UHRF2: variants seen among roughly 807,000 people sequenced by gnomAD.
UHRF2 encodes the protein E3 ubiquitin-protein ligase UHRF2.
In UHRF2, 23 loss-of-function variants were observed where a neutral mutation model predicts 96.8. The ratio of observed to expected loss-of-function variants is 0.24; its 90% CI spans 0.17 to 0.34. UHRF2 has a LOEUF of 0.34. Ranked by LOEUF, UHRF2 falls within the 10% of genes least tolerant of loss-of-function variation. The pLI is 1.00. For missense variants in UHRF2, 685 were observed against 981.5 expected, an observed-to-expected ratio of 0.70 and a Z score of 4.04; for synonymous variants, 385 against 332.6, an observed-to-expected ratio of 1.16 and a Z score of -1.72.
intron 3 of UHRF2, among the ~76,000 whole-genome samples, chr9:6,447,457 T>C (rs1821585765): frequency 6.6e-6 from 1 of 151,932 alleles, no homozygotes; most frequent in African/African-American, 2.4e-5. Flanking sequence ...AGTATAAAGG[T>C]AGAGGAGATA....
At chr9:6,469,240 C>T (rs372623232) in intron 4 of UHRF2, among the ~76,000 whole-genome samples, 1 of 152,138 alleles carries the variant, frequency 6.6e-6, no homozygotes, top group Non-Finnish European at 1.5e-5. Flanking sequence ...CAAATAAGGG[C>T]CAGGCACCAT....
At chr9:6,470,578 G>C (rs1323689281) in intron 4 of UHRF2, among the ~76,000 whole-genome samples, 1 of 152,164 alleles carries the variant, frequency 6.6e-6, no homozygotes, top group African/African-American at 2.4e-5. Context: ...CAGGGAAAGG[G>C]TAAATGTATG....
chr9:6,492,604 ATTGAC>A (rs1457196053), intron 9 of UHRF2: 1 of 153,808 alleles, frequency 6.5e-6, no homozygotes, highest in African/African-American at 2.4e-5. Flanking sequence ...AGTATAAATA[ATTGAC>A]TTCTATAATA....
chr9:6,498,225 C>G, intron 12 of UHRF2, 67 bp downstream of exon 12: 1 of 1,523,824 alleles, frequency 6.6e-7, no homozygotes, highest in Non-Finnish European at 8.9e-7. Flanking sequence ...ATCTACATGC[C>G]TTAACACTGG....
At chr9:6,501,669 GT>G (rs747789910) in intron 14 of UHRF2, among the ~76,000 whole-genome samples, 7 of 152,202 alleles carry the variant, frequency 4.6e-5, no homozygotes, top group Non-Finnish European at 8.8e-5. Flanking sequence ...AAGCTTACAT[GT>G]TTAGAGGACA....
chr9:6,485,928 G>A (rs1014393966), intron 8 of UHRF2, among the ~76,000 whole-genome samples: 1 of 151,924 alleles, frequency 6.6e-6, no homozygotes, highest in Non-Finnish European at 1.5e-5. Context: ...CAGTGAGGCA[G>A]GAATGAAGAT....
intron 3 of UHRF2, among the ~76,000 whole-genome samples, chr9:6,444,138 A>G (rs1199384686): frequency 6.6e-6 from 1 of 152,180 alleles, no homozygotes; most frequent in African/African-American, 2.4e-5. Context: ...GAGAGAGTAG[A>G]TTTTTCTTGA....
intron 1 of UHRF2, among the ~76,000 whole-genome samples, chr9:6,420,508 C>G (rs1429644194): frequency 1.3e-5 from 2 of 151,406 alleles, no homozygotes; most frequent in Non-Finnish European, 2.9e-5. Context: ...CAAGACCATC[C>G]TGGCAAACAC....
intron 14 of UHRF2, among the ~76,000 whole-genome samples, chr9:6,501,319 C>G (rs1477860489): frequency 6.6e-6 from 1 of 152,168 alleles, no homozygotes; most frequent in African/African-American, 2.4e-5. Context: ...ATTCTTTCCT[C>G]ACTTATTGTG....
rs199920511 is a variant in UHRF2 at position 6,499,829 on chromosome 9, C to G, written c.1909-6C>G. On this transcript the variant is annotated splice_region_variant and splice_polypyrimidine_tract_variant and intron_variant, in intron 12 of 15. Coordinates refer to ENST00000276893, the MANE Select transcript of UHRF2 (RefSeq NM_152896.3). Reference sequence around the variant, plus strand: ...CATTGTACTCTCCCTCCTCCCCCCCCATCAGTATCCAGCAGGTTACCCTTC... The same window carrying G: ...CATTGTACTCTCCCTCCTCCCCCCCGATCAGTATCCAGCAGGTTACCCTTC... 1,496 of 1,591,576 alleles carry G rather than the reference C, an allele frequency of 9.4e-4. 5 individuals are homozygous for G. Among genetic ancestry groups the G allele is most frequent in the Non-Finnish European group, 1.2e-3 (1,361 of 1,167,358 alleles).
chr9:6,450,783 GT>G (rs1178768529), intron 3 of UHRF2, among the ~76,000 whole-genome samples: 1 of 152,160 alleles, frequency 6.6e-6, no homozygotes, highest in African/African-American at 2.4e-5. Context: ...TGACATAATA[GT>G]TTTTGAATGT....
chr9:6,421,177 A>C (rs1324866231), intron 2 of UHRF2, 35 bp downstream of exon 2: 1 of 1,436,548 alleles, frequency 7.0e-7, no homozygotes, highest in Non-Finnish European at 9.6e-7. Context: ...TGTTGTGAGA[A>C]TACAAATAAA....
chr9:6,467,933 G>A (rs992373545), intron 4 of UHRF2, among the ~76,000 whole-genome samples: 10 of 152,044 alleles, frequency 6.6e-5, no homozygotes, highest in African/African-American at 2.4e-4. Flanking sequence ...TTAACTGTGA[G>A]AATGGGTTGG....
At chr9:6,424,688 CCT>C (rs1469307314) in intron 2 of UHRF2, among the ~76,000 whole-genome samples, 4 of 151,648 alleles carry the variant, frequency 2.6e-5, no homozygotes, top group African/African-American at 9.7e-5. Flanking sequence ...TACCTCATGT[CCT>C]CTTTTTGTTC....
At chr9:6,424,151 A>G (rs1018097479) in intron 2 of UHRF2, among the ~76,000 whole-genome samples, 3 of 152,198 alleles carry the variant, frequency 2.0e-5, no homozygotes, top group Admixed American at 6.5e-5. Context: ...AATATTAGAG[A>G]AGGCAAAGTT....
chr9:6,420,334 C>T (rs1287884904), intron 1 of UHRF2, among the ~76,000 whole-genome samples: 1 of 151,564 alleles, frequency 6.6e-6, no homozygotes, highest in African/African-American at 2.4e-5. Context: ...AGATTACAGG[C>T]GTGAGCCACC....
chr9:6,485,018 C>G (rs1824182410), intron 8 of UHRF2, among the ~76,000 whole-genome samples: 1 of 151,768 alleles, frequency 6.6e-6, no homozygotes, highest in Non-Finnish European at 1.5e-5. Flanking sequence ...GTCTCAAACT[C>G]CCGACCTCAG....
At chr9:6,467,603 T>TC (rs1031440731) in intron 4 of UHRF2, among the ~76,000 whole-genome samples, 2 of 150,630 alleles carry the variant, frequency 1.3e-5, no homozygotes, top group Non-Finnish European at 3.0e-5. Flanking sequence ...TAGTTTTTTT[T>TC]TTTTTTTTTT....
chr9:6,463,080 G>A (rs555229387), intron 4 of UHRF2, among the ~76,000 whole-genome samples: 1 of 152,118 alleles, frequency 6.6e-6, no homozygotes, highest in Non-Finnish European at 1.5e-5. Context: ...TCAGGAGATC[G>A]AGACCAGTCT....
Sources: allele counts gnomAD v4.1 joint callset (sites outside exome capture counted in the v4.1 genomes callset), GRCh38; gene constraint gnomAD v4.1.1; transcripts MANE v1.5; gene names NCBI Gene and HGNC (gene_info 2026-07-23, HGNC 2026-07-21).